GCN1: variants seen among roughly 807,000 people sequenced by gnomAD.
GCN1 encodes GCN1 activator of EIF2AK4.
A neutral mutation model predicts 288.4 loss-of-function variants in GCN1; 90 were observed. The ratio of observed to expected loss-of-function variants is 0.31; its 90% confidence interval spans 0.26 to 0.37. GCN1 has a LOEUF of 0.37. Ranked by LOEUF, GCN1 falls within the 10% of genes least tolerant of loss-of-function variation. The probability of loss-of-function intolerance (pLI) is 1.00; values close to 1 mark genes in which losing one functional copy is unlikely to be tolerated. For synonymous variants in GCN1, 1,386 were observed against 1,420.2 expected (o/e 0.98, Z 0.54); for missense variants, 2,586 against 3,419.9 (o/e 0.76, Z 6.08).
intron 24 of GCN1, 103 bp downstream of exon 24, chr12:120,159,722 T>G (rs571311500): frequency 1.0e-6 from 1 of 963,596 alleles, no homozygotes; most frequent in African/African-American, 1.6e-5. Context: ...ACTCAGCAGC[T>G]GAGGTCACCA....
chr12:120,153,607 C>T lies in GCN1; in HGVS notation c.3867+137G>A. Reference sequence around the variant, plus strand: ...ACACACTATCATGGTCTTTTTGGCTCAAAGTGCTCTGCCAGGACTCTTGGC... The same window carrying T: ...ACACACTATCATGGTCTTTTTGGCTTAAAGTGCTCTGCCAGGACTCTTGGC... On this transcript the variant is annotated intron_variant, in intron 32 of 57. Transcript: ENST00000300648. This position sits in a 1 kb window ranked among gnomAD's most constrained non-coding sequence, Gnocchi z 4.4. The T allele has an allele frequency of 1.1e-6, 1 of 944,818 alleles. No individual in the cohort carries two copies. The highest frequency in any genetic ancestry group is 1.6e-6 in the Non-Finnish European group (1 of 620,552). The allele number at this position is 944,818 out of a possible 1,614,324, so 58.5% of individuals were successfully genotyped here.
At chr12:120,138,073 G>A (rs1381963490) in intron 47 of GCN1, 29 bp from the exon 48 acceptor site, 2 of 1,590,774 alleles carry the variant, frequency 1.3e-6, no homozygotes, top group Non-Finnish European at 1.7e-6. Context: ...TTAACTCAGT[G>A]AATACTGTGC....
At chr12:120,133,836 G>A (rs1201531846) in intron 53 of GCN1, among the ~76,000 whole-genome samples, 3 of 152,150 alleles carry the variant, frequency 2.0e-5, no homozygotes, top group Admixed American at 1.3e-4. Flanking sequence ...TTCGGAGCCC[G>A]AGGCGGGTGG....
At chr12:120,181,794 G>A (rs1201473179) in intron 5 of GCN1, among the ~76,000 whole-genome samples, 5 of 141,708 alleles carry the variant, frequency 3.5e-5, no homozygotes, top group Admixed American at 1.5e-4. Context: ...AGCCGAGATC[G>A]CGCCATTGCA....
In GCN1 at chr12:120,162,071, C is replaced by T. The variant is rs772185476; in HGVS notation, c.2164-13G>A. The T allele has an allele frequency of 9.9e-6, 16 of 1,610,316 alleles. No homozygotes were observed. Among genetic ancestry groups the T allele is most frequent in the Middle Eastern group, 2.1e-4 (1 of 4,736 alleles). Reference sequence around the variant, plus strand: ...CATTCATGGAGGACTGCCAGACAAACGCAGACATGGTCAGTGTGTGCCAAG... The same window carrying T: ...CATTCATGGAGGACTGCCAGACAAATGCAGACATGGTCAGTGTGTGCCAAG... On this transcript the variant is annotated splice_polypyrimidine_tract_variant and intron_variant, in intron 20 of 57. Transcript: ENST00000300648.
chr12:120,150,633 G>A (rs1383427863), intron 34 of GCN1, among the ~76,000 whole-genome samples: 1 of 147,318 alleles, frequency 6.8e-6, no homozygotes, highest in Non-Finnish European at 1.5e-5. Flanking sequence ...TCAGCTAAGG[G>A]TGTTGCTGAG....
chr12:120,188,458 AC>A (rs1201654605), intron 2 of GCN1, among the ~76,000 whole-genome samples: 1 of 147,268 alleles, frequency 6.8e-6, no homozygotes, highest in Non-Finnish European at 1.5e-5. Flanking sequence ...AAAAAAAAAA[AC>A]CTCTCCCAAC....
In GCN1 at chr12:120,144,855, G is replaced by C. The variant is rs1313102988; in HGVS notation, c.5156-20C>G. 1 of 1,614,012 alleles carries C rather than the reference G, an allele frequency of 6.2e-7. No individual in the cohort carries two copies. The highest frequency in any genetic ancestry group is 8.5e-7 in the Non-Finnish European group (1 of 1,179,866). On this transcript the variant is annotated intron_variant, in intron 40 of 57. Transcript: ENST00000300648. The surrounding 1 kb of genome is among the most constrained non-coding windows in gnomAD (Gnocchi z 4.7). ...CCAACCCTGCAACAAAGGACAGAATGAGTCCACTGGATCTGAGGGCCCCTT... is the reference window on the plus strand; with the variant it reads ...CCAACCCTGCAACAAAGGACAGAATCAGTCCACTGGATCTGAGGGCCCCTT...
At chr12:120,152,652 C>A (rs1285851779) in intron 33 of GCN1, among the ~76,000 whole-genome samples, 1 of 138,130 alleles carries the variant, frequency 7.2e-6, no homozygotes, top group Non-Finnish European at 1.5e-5. Flanking sequence ...CACACACACA[C>A]ACACACAAAA....
chr12:120,194,548 G>C, intron 1 of GCN1, 132 bp downstream of exon 1: 1 of 883,686 alleles, frequency 1.1e-6, no homozygotes, highest in South Asian at 1.6e-5. Context: ...AGCCTGAGAC[G>C]GCCCCGAGAC....
chr12:120,130,557 T>C, intron 56 of GCN1, 89 bp downstream of exon 56: 1 of 838,832 alleles, frequency 1.2e-6, no homozygotes, highest in East Asian at 2.4e-5. Flanking sequence ...ACACAACTAG[T>C]TGAGGGCGCA....
Position 120,142,624 on chromosome 12 carries a change from G to A in GCN1, c.5712C>T (p.Ser1904=), listed in dbSNP as rs2139092752. The A allele has an allele frequency of 6.2e-7, 1 of 1,613,930 alleles. No individual in the cohort carries two copies. The change falls in exon 44 of 58, where the codon TCC becomes TCT. Residue 1904 remains serine (S), a synonymous_variant. Coordinates refer to ENST00000300648, the MANE Select transcript of GCN1 (RefSeq NM_006836.2). This position sits in a 1 kb window ranked among gnomAD's most constrained non-coding sequence, Gnocchi z 4.9. ...SDTQLVVRQA[S]LHVWKIVVSN... ...AGACAACAATCTTCCAGACATGCAG[G>A]GACGCCTGCCGCACCACCAGCTGGG...
In GCN1 at chr12:120,134,644, C is replaced by A; in HGVS notation, c.7091G>T (p.Arg2364Leu). 1 of 1,613,916 alleles carries A rather than the reference C, an allele frequency of 6.2e-7. No homozygotes were observed. The highest frequency in any genetic ancestry group is 8.5e-7 in the Non-Finnish European group (1 of 1,179,990). Reference protein sequence around the residue: ...KALQDSNRGVRLKAADALGKL... With the variant: ...KALQDSNRGVLLKAADALGKL... The stretch of plus-strand genomic sequence containing the variant: ...CCCCAGAGCATCTGCGGCCTTCAGG[C>A]GCACCCCCCGGTTGGAGTCCTGCAG... The change falls in exon 52 of 58, where the codon CGC (arginine) becomes CTC (leucine). Residue 2364 changes from arginine (R) to leucine (L), a missense_variant. Around this residue, in one of 8 missense-constraint regions of GCN1, gnomAD observed 355 missense variants for 431.1 expected, o/e 0.82. Transcript: ENST00000300648. This position sits in a 1 kb window ranked among gnomAD's most constrained non-coding sequence, Gnocchi z 5.0.
intron 26 of GCN1, among the ~76,000 whole-genome samples, chr12:120,157,575 C>G (rs1192024534): frequency 6.6e-6 from 1 of 152,222 alleles, no homozygotes; most frequent in African/African-American, 2.4e-5. Flanking sequence ...CATGGTACAT[C>G]CATAGCACAG....
intron 36 of GCN1, 84 bp from the exon 37 acceptor site, chr12:120,148,430 C>T: frequency 8.7e-7 from 1 of 1,144,308 alleles, no homozygotes; most frequent in Non-Finnish European, 1.3e-6. Context: ...GAGCAAGGGA[C>T]ATCTACCCTG....
chr12:120,184,805 G>A lies in GCN1; in HGVS notation c.185+19C>T. On this transcript the variant is annotated intron_variant, in intron 3 of 57. Transcript: ENST00000300648. ...CTGTACAAAGTGCTCCACATATGGGGCCTTTGGCTGGGACTCACCTATATC... is the reference window on the plus strand; with the variant it reads ...CTGTACAAAGTGCTCCACATATGGGACCTTTGGCTGGGACTCACCTATATC... 6.4e-7 allele frequency: 1 copy of A among 1,574,756 alleles called. No individual in the cohort carries two copies. Among genetic ancestry groups the A allele is most frequent in the Non-Finnish European group, 8.7e-7 (1 of 1,145,002 alleles).
At position 120,177,490 on chromosome 12, in the gene GCN1, G is replaced by C; in HGVS notation, c.795C>G (p.Thr265=). The C allele has an allele frequency of 6.2e-7, 1 of 1,608,678 alleles. No individual in the cohort carries two copies. The highest frequency in any genetic ancestry group is 8.5e-7 in the Non-Finnish European group (1 of 1,175,044). ...HSEFKDLILP[T]IQKSLLRSPE... ...GACTCCTCAGTAAGGACTTCTGTAT[G>C]GTGGGCAGTATCAGATCCTTAAATT... The change falls in exon 9 of 58, where the codon ACC becomes ACG. Residue 265 remains threonine (T), a synonymous_variant. Transcript: ENST00000300648.
In GCN1 at chr12:120,136,580, C is replaced by T; in HGVS notation, c.6930G>A (p.Leu2310=). 6.2e-7 allele frequency: 1 copy of T among 1,614,224 alleles called. No homozygotes were observed. Among genetic ancestry groups the T allele is most frequent in the Admixed American group, 1.7e-5 (1 of 60,030 alleles). The change falls in exon 51 of 58, where the codon CTG becomes CTA. Residue 2310 remains leucine, a synonymous_variant. Coordinates refer to ENST00000300648, the MANE Select transcript of GCN1 (RefSeq NM_006836.2). ...TGAACCTGTCCCCCAGGATGCGGATCAGAGGGCCAGTGATGCTGACCACGG... is the reference window on the plus strand; with the variant it reads ...TGAACCTGTCCCCCAGGATGCGGATTAGAGGGCCAGTGATGCTGACCACGG... ...RPSVVSITGP[L]IRILGDRFSW...
chr12:120,191,793 C>T (rs748923986), intron 1 of GCN1, among the ~76,000 whole-genome samples: 16 of 152,226 alleles, frequency 1.1e-4, no homozygotes, highest in Non-Finnish European at 2.2e-4. Flanking sequence ...CCCTCACTCT[C>T]CATGGGCAAC....
Sources: gnomAD v4.1 joint callset for allele counts (sites outside exome capture counted in the v4.1 genomes callset) on GRCh38, gnomAD v4.1.1 for gene constraint, gnomAD v4.1.1 regional missense constraint, Gnocchi (gnomAD v3.1) non-coding constraint, MANE v1.5 for transcripts, NCBI Gene and HGNC (gene_info 2026-07-23, HGNC 2026-07-21) for gene names.